The following AMPH variants were observed in gnomAD, a reference collection of about 807,000 sequenced individuals.
The protein encoded by AMPH is amphiphysin (Stiff-Mann syndrome with breast cancer 128kD autoantigen).
A neutral mutation model predicts 99.1 loss-of-function variants in AMPH; 49 were observed. That is an observed-to-expected ratio of 0.49 (90% CI 0.39 to 0.63). The LOEUF is 0.63. AMPH is among the 20% of genes least tolerant of loss of function. The probability of loss-of-function intolerance (pLI) is 0.00; values close to 1 mark genes in which losing one functional copy is unlikely to be tolerated. For synonymous variants in AMPH, 314 were observed against 317.3 expected (o/e 0.99, Z 0.11); for missense variants, 759 against 863.4 (o/e 0.88, Z 1.52).
chr7:38,544,014 AT>A (rs1334869420), intron 1 of AMPH, among the ~76,000 whole-genome samples: 1 of 152,184 alleles, frequency 6.6e-6, no homozygotes, highest in Non-Finnish European at 1.5e-5. Context: ...CCACTATACT[AT>A]AATGCCCTAA....
intron 1 of AMPH, among the ~76,000 whole-genome samples, chr7:38,561,763 C>A (rs1208201777): frequency 2.0e-5 from 3 of 152,018 alleles, no homozygotes; most frequent in Non-Finnish European, 4.4e-5. Context: ...GGGATGAAGC[C>A]CCCATAATGA....
chr7:38,429,708 T>C, intron 14 of AMPH, 134 bp downstream of exon 14: 4 of 1,285,096 alleles, frequency 3.1e-6, no homozygotes, highest in Non-Finnish European at 4.3e-6. Context: ...GGAAAGTGAT[T>C]ACATTCATTG....
At chr7:38,547,235 C>A (rs564872313) in intron 1 of AMPH, among the ~76,000 whole-genome samples, 4 of 152,162 alleles carry the variant, frequency 2.6e-5, no homozygotes, top group African/African-American at 9.7e-5. Context: ...CCATAACCCT[C>A]CCCACAGAGA....
chr7:38,597,791 T>C (rs1313374789), intron 1 of AMPH, among the ~76,000 whole-genome samples: 2 of 152,228 alleles, frequency 1.3e-5, no homozygotes, highest in African/African-American at 4.8e-5. Flanking sequence ...AATAGCTTTA[T>C]CTTTCCATCT....
intron 1 of AMPH, among the ~76,000 whole-genome samples, chr7:38,554,895 A>G (rs888639650): frequency 2.0e-5 from 3 of 152,184 alleles, no homozygotes; most frequent in Non-Finnish European, 2.9e-5. Flanking sequence ...CTTCTCCCCA[A>G]CCTTAACCTG....
intron 1 of AMPH, among the ~76,000 whole-genome samples, chr7:38,595,482 G>A (rs756064357): frequency 6.6e-6 from 1 of 152,236 alleles, no homozygotes; most frequent in Non-Finnish European, 1.5e-5. Context: ...ATACAGAGTA[G>A]AGGTTGTGGA....
At chr7:38,602,148 T>C (rs1170894984) in intron 1 of AMPH, among the ~76,000 whole-genome samples, 1 of 152,038 alleles carries the variant, frequency 6.6e-6, no homozygotes, top group African/African-American at 2.4e-5. Flanking sequence ...AGCCCAACAG[T>C]GGGCAGCACC....
chr7:38,497,085 G>A (rs1302284534), intron 3 of AMPH, among the ~76,000 whole-genome samples: 1 of 152,150 alleles, frequency 6.6e-6, no homozygotes, highest in Non-Finnish European at 1.5e-5. Flanking sequence ...AAGCCATTTT[G>A]ACATGGAAAT....
intron 1 of AMPH, among the ~76,000 whole-genome samples, chr7:38,573,128 C>CA (rs1792111622): frequency 1.3e-5 from 2 of 152,108 alleles, no homozygotes; most frequent in Admixed American, 6.5e-5. Flanking sequence ...TTGTCAATAT[C>CA]AAAAATATTT....
intron 1 of AMPH, among the ~76,000 whole-genome samples, chr7:38,620,591 G>T (rs1328022048): frequency 7.5e-6 from 1 of 133,508 alleles, no homozygotes; most frequent in Non-Finnish European, 1.7e-5. Flanking sequence ...ACACACACAC[G>T]TGCAATTGAT....
At chr7:38,431,391 C>T (rs996445289) in intron 13 of AMPH, among the ~76,000 whole-genome samples, 3 of 152,172 alleles carry the variant, frequency 2.0e-5, no homozygotes, top group Admixed American at 2.0e-4. Context: ...GCCGCAGTGG[C>T]TCACACCTGT....
intron 11 of AMPH, among the ~76,000 whole-genome samples, chr7:38,455,865 T>A (rs1009828343): frequency 2.0e-5 from 3 of 152,242 alleles, no homozygotes; most frequent in South Asian, 4.1e-4. Flanking sequence ...ATACTGCCAC[T>A]GTCATGGCCA....
At chr7:38,595,339 G>A (rs1278750072) in intron 1 of AMPH, among the ~76,000 whole-genome samples, 1 of 152,154 alleles carries the variant, frequency 6.6e-6, no homozygotes, top group Non-Finnish European at 1.5e-5. Flanking sequence ...GGAAGACAAA[G>A]GTCATGCTGA....
chr7:38,507,592 A>T (rs989917998), intron 2 of AMPH, among the ~76,000 whole-genome samples: 1 of 152,260 alleles, frequency 6.6e-6, no homozygotes, highest in Non-Finnish European at 1.5e-5. Context: ...ACAAATTCTT[A>T]TAACATTGCT....
chr7:38,441,743 G>GATATATATGACAT (rs1350147978), intron 11 of AMPH, among the ~76,000 whole-genome samples: 1 of 131,480 alleles, frequency 7.6e-6, no homozygotes, highest in Non-Finnish European at 1.6e-5. Context: ...ATATATGACA[G>GATATATATGACAT]ATATATCATA....
intron 19 of AMPH, 106 bp downstream of exon 19, chr7:38,391,642 A>G: frequency 3.4e-6 from 4 of 1,184,688 alleles, no homozygotes; most frequent in Middle Eastern, 2.9e-4. Context: ...CAGTTCACAG[A>G]AATAATAATT....
chr7:38,450,239 C>T (rs1786955506), intron 11 of AMPH, among the ~76,000 whole-genome samples: 1 of 152,088 alleles, frequency 6.6e-6, no homozygotes, highest in African/African-American at 2.4e-5. Flanking sequence ...AGAAAATATG[C>T]AATATCATAG....
rs576744407 is a variant in AMPH at position 38,631,274 on chromosome 7, G to A, written c.69+9C>T. The A allele has an allele frequency of 1.5e-4, 230 of 1,517,126 alleles. 1 individual carries two copies. In the South Asian group the frequency reaches 2.8e-3, roughly 18 times the overall value. 94.0% of individuals were successfully genotyped at this position (1,517,126 alleles called of 1,614,324 possible). A position where few individuals can be genotyped will look rare whatever the true frequency, so the allele number is the denominator to read the frequency against. The stretch of plus-strand genomic sequence containing the variant: ...TCCCCGGCCCCAGCCCCGGCCGCCC[G>A]CCGCTGACCTTTTCCTGCGCGCGGT... On this transcript the variant is annotated intron_variant, in intron 1 of 20. Transcript: ENST00000356264.
intron 1 of AMPH, among the ~76,000 whole-genome samples, chr7:38,629,335 C>A (rs1004809690): frequency 6.6e-6 from 1 of 152,166 alleles, no homozygotes; most frequent in African/African-American, 2.4e-5. Context: ...GTTTGAACCT[C>A]TATACTAGGT....
Sources: gnomAD v4.1 joint callset for allele counts (sites outside exome capture counted in the v4.1 genomes callset) on GRCh38, gnomAD v4.1.1 for gene constraint, MANE v1.5 for transcripts, NCBI Gene and HGNC (gene_info 2026-07-23, HGNC 2026-07-21) for gene names.